The following SMG6 variants were observed in gnomAD, a reference collection of about 807,000 sequenced individuals.
The protein encoded by SMG6 is SMG6 nonsense mediated mRNA decay factor, also known as telomerase-binding protein EST1A.
SMG6 carries 66 observed loss-of-function variants against 142.2 expected under a neutral mutation model. The ratio of observed to expected loss-of-function variants is 0.46; its 90% CI spans 0.38 to 0.57. SMG6 has a LOEUF of 0.57. Ranked by LOEUF, SMG6 falls within the 20% of genes least tolerant of loss-of-function variation. SMG6 has a pLI of 0.00. For missense variants in SMG6, 1,793 were observed against 1,832.0 expected, an observed-to-expected ratio of 0.98 and a Z score of 0.39; for synonymous variants, 779 against 702.4, an observed-to-expected ratio of 1.11 and a Z score of -1.72.
chr17:2,303,000 A>G (rs573734874), intron 1 of SMG6: 4 of 985,474 alleles, frequency 4.1e-6, no homozygotes, highest in African/African-American at 1.7e-5. Context: ...TGAGACACTT[A>G]GAATCTTTCT....
intron 13 of SMG6, among the ~76,000 whole-genome samples, chr17:2,146,106 G>A (rs747092003): frequency 1.1e-4 from 17 of 152,182 alleles, no homozygotes; most frequent in African/African-American, 4.1e-4. Flanking sequence ...AATAATATAT[G>A]TGGGAGGTTA....
intron 8 of SMG6, among the ~76,000 whole-genome samples, chr17:2,249,139 C>T (rs888781249): frequency 4.6e-5 from 7 of 151,998 alleles, no homozygotes; most frequent in Non-Finnish European, 7.4e-5. Context: ...GTGATCCGCC[C>T]GCCTTGGCCT....
In SMG6 at chr17:2,300,252, T is replaced by G. The variant is rs1322228347; in HGVS notation, c.501A>C (p.Glu167Asp). The G allele has an allele frequency of 6.2e-7, 1 of 1,614,192 alleles. No individual in the cohort carries two copies. The highest frequency in any genetic ancestry group is 8.5e-7 in the Non-Finnish European group (1 of 1,180,036). Residue 167 changes from glutamate to aspartate, a missense_variant, in exon 2 of 19, where the codon GAA (glutamate) becomes GAC (aspartate). Glu to Asp is a conservative substitution (Grantham distance 45, BLOSUM62 2). Transcript: ENST00000263073. ...TCAGTTGTTCTACCTGGTTGAGGAC[T>G]TCTTCCTCCTCCACCCGACTGGCGG... Reference protein sequence around the residue: ...KESASRVEEEEVLNQVEQLRV... With the variant: ...KESASRVEEEDVLNQVEQLRV...
intron 12 of SMG6, among the ~76,000 whole-genome samples, chr17:2,182,915 G>A (rs1348474962): frequency 6.6e-6 from 1 of 151,988 alleles, no homozygotes; most frequent in Non-Finnish European, 1.5e-5. Flanking sequence ...GGGTGGGCAG[G>A]GGTGAAACAG....
At chr17:2,249,460 A>G (rs1446583380) in intron 8 of SMG6, among the ~76,000 whole-genome samples, 1 of 151,900 alleles carries the variant, frequency 6.6e-6, no homozygotes, top group Non-Finnish European at 1.5e-5. Flanking sequence ...GTGCAGGGCT[A>G]ATTTATTTTC....
chr17:2,297,307 T>G lies in SMG6; in HGVS notation c.2087A>C (p.Tyr696Ser). The change falls in exon 4 of 19, where the codon TAC becomes TCC. Residue 696 changes from tyrosine (Y) to serine (S), a missense_variant. Coordinates refer to ENST00000263073, the MANE Select transcript of SMG6 (RefSeq NM_017575.5). ...CATGTAGTCTTCCAGTTTGAACTTG[T>G]AAGTAACCTGCAGCTTCTGAAGCAA... ...DSLLQKLQVT[Y>S]KFKLEDYMDG... 1 of 1,613,582 alleles carries G rather than the reference T, an allele frequency of 6.2e-7. No individual in the cohort carries two copies. Among genetic ancestry groups the G allele is most frequent in the Non-Finnish European group, 8.5e-7 (1 of 1,179,780 alleles).
chr17:2,144,911 T>C (rs530948707), intron 13 of SMG6, among the ~76,000 whole-genome samples: 16 of 152,188 alleles, frequency 1.1e-4, no homozygotes, highest in African/African-American at 3.6e-4. Context: ...CCGCTCACCA[T>C]AGTCCAAGCA....
intron 12 of SMG6, 132 bp from the exon 13 acceptor site, chr17:2,172,991 C>A (rs1451943745): frequency 3.6e-6 from 3 of 831,762 alleles, no homozygotes; most frequent in Non-Finnish European, 5.7e-6. Flanking sequence ...GAAATCATAC[C>A]CCAAAAATGC....
At chr17:2,237,633 A>T in intron 9 of SMG6, 2 of 870,242 alleles carry the variant, frequency 2.3e-6, no homozygotes, top group Non-Finnish European at 2.8e-6. Flanking sequence ...CTCCCAATAC[A>T]GGAAGAGGCT....
At chr17:2,249,276 C>A (rs901564461) in intron 8 of SMG6, among the ~76,000 whole-genome samples, 2 of 151,930 alleles carry the variant, frequency 1.3e-5, no homozygotes, top group Admixed American at 6.6e-5. Flanking sequence ...GGACTGGCTT[C>A]CATTTCTACC....
intron 14 of SMG6, among the ~76,000 whole-genome samples, chr17:2,083,649 C>T (rs1246624430): frequency 2.0e-5 from 3 of 152,264 alleles, no homozygotes; most frequent in East Asian, 3.8e-4. Flanking sequence ...TGCACATTCA[C>T]TTCCTTGTTC....
intron 16 of SMG6, chr17:2,065,966 T>C (rs1427720488): frequency 1.0e-5 from 5 of 482,118 alleles, no homozygotes; most frequent in Non-Finnish European, 1.9e-5. Context: ...GGAAGAAATC[T>C]GGTCCCTCTA....
At chr17:2,153,082 C>CTCTA (rs1809547120) in intron 13 of SMG6, among the ~76,000 whole-genome samples, 1 of 152,230 alleles carries the variant, frequency 6.6e-6, no homozygotes, top group African/African-American at 2.4e-5. Flanking sequence ...GACTCAAGAG[C>CTCTA]TCTATATCAA....
intron 13 of SMG6, among the ~76,000 whole-genome samples, chr17:2,168,987 C>T (rs994999222): frequency 6.6e-6 from 1 of 151,678 alleles, no homozygotes; most frequent in South Asian, 2.1e-4. Context: ...ACCTCGTGAT[C>T]CGCCTGCCTC....
At chr17:2,066,694 C>CAA (rs1555529728) in intron 16 of SMG6, among the ~76,000 whole-genome samples, 1 of 150,750 alleles carries the variant, frequency 6.6e-6, no homozygotes, top group Non-Finnish European at 1.5e-5. Flanking sequence ...CACACACACA[C>CAA]AATGCCCATG....
At chr17:2,064,532 A>T (rs2067880557) in intron 18 of SMG6, among the ~76,000 whole-genome samples, 1 of 152,168 alleles carries the variant, frequency 6.6e-6, no homozygotes, top group Non-Finnish European at 1.5e-5. Context: ...ACAGCTTGTG[A>T]CCAAAGAGAC....
chr17:2,221,849 G>A (rs547794977), intron 10 of SMG6, among the ~76,000 whole-genome samples: 32 of 152,168 alleles, frequency 2.1e-4, no homozygotes, highest in Middle Eastern at 3.4e-3. Flanking sequence ...GTTAACGCCA[G>A]TCTCCTGCCT....
At chr17:2,141,279 T>C (rs535473052) in intron 13 of SMG6, among the ~76,000 whole-genome samples, 6 of 152,330 alleles carry the variant, frequency 3.9e-5, no homozygotes, top group Non-Finnish European at 7.4e-5. Context: ...ATCTATTTGA[T>C]TGCACTGGTT....
intron 6 of SMG6, among the ~76,000 whole-genome samples, chr17:2,288,548 G>T (rs1333320438): frequency 1.3e-5 from 2 of 151,178 alleles, no homozygotes; most frequent in Non-Finnish European, 2.9e-5. Flanking sequence ...CTTGAGCCTG[G>T]GAGGCAGAGG....
Sources: gnomAD v4.1 joint callset for allele counts (sites outside exome capture counted in the v4.1 genomes callset) on GRCh38, gnomAD v4.1.1 for gene constraint, MANE v1.5 for transcripts, NCBI Gene and HGNC (gene_info 2026-07-23, HGNC 2026-07-21) for gene names.